ITPR2: variants seen among roughly 807,000 people sequenced by gnomAD.
ITPR2 encodes the protein inositol 1,4,5-trisphosphate receptor type 2.
In ITPR2, 207 loss-of-function variants were observed where a neutral mutation model predicts 317.1. The ratio of observed to expected loss-of-function variants is 0.65; its 90% CI spans 0.58 to 0.73. ITPR2 has a LOEUF of 0.73. ITPR2 is among the 30% of genes least tolerant of loss of function. The pLI is 0.00. For synonymous variants in ITPR2, 1,156 were observed against 1,149.1 expected (o/e 1.01, Z -0.12); for missense variants, 2,613 against 3,284.0 (o/e 0.80, Z 4.99).
intron 2 of ITPR2, among the ~76,000 whole-genome samples, chr12:26,745,201 C>T (rs1024918064): frequency 6.6e-6 from 1 of 152,156 alleles, no homozygotes; most frequent in African/African-American, 2.4e-5. Context: ...ATAAAGAAGC[C>T]CTGGTGCTTC....
At chr12:26,796,619 A>C (rs1177745616) in intron 1 of ITPR2, among the ~76,000 whole-genome samples, 3 of 152,240 alleles carry the variant, frequency 2.0e-5, no homozygotes, top group African/African-American at 7.2e-5. Flanking sequence ...GCTCTACAGA[A>C]ATCTTACAAA....
chr12:26,798,449 T>A (rs1272258989), intron 1 of ITPR2, among the ~76,000 whole-genome samples: 4 of 152,218 alleles, frequency 2.6e-5, no homozygotes, highest in Non-Finnish European at 4.4e-5. Flanking sequence ...TTTAAGTGTT[T>A]AGCATCTATT....
At chr12:26,394,034 GT>G (rs1939922760) in intron 54 of ITPR2, among the ~76,000 whole-genome samples, 1 of 152,280 alleles carries the variant, frequency 6.6e-6, no homozygotes, top group Admixed American at 6.5e-5. Context: ...CATGGATCTG[GT>G]TCTCTTAAAG....
chr12:26,722,551 A>T lies in ITPR2; in HGVS notation c.371T>A (p.Leu124Gln). ...IVKYSNVIQL[L>Q]HIKSNKYLTV... ...AAGATATTTGTTGCTTTTTATATGC[A>T]GTAGCTATAGGGAAAAGACATAGAT... Residue 124 changes from leucine (L) to glutamine (Q), a missense_variant, in exon 5 of 57, where the codon CTG becomes CAG. Coordinates refer to ENST00000381340, the MANE Select transcript of ITPR2 (RefSeq NM_002223.4). 6.2e-7 allele frequency: 1 copy of T among 1,609,242 alleles called. No individual in the cohort carries two copies. The highest frequency in any genetic ancestry group is 8.5e-7 in the Non-Finnish European group (1 of 1,176,510).
At chr12:26,534,116 T>C (rs1591867761) in intron 37 of ITPR2, among the ~76,000 whole-genome samples, 1 of 152,336 alleles carries the variant, frequency 6.6e-6, no homozygotes, top group Non-Finnish European at 1.5e-5. Context: ...ATCACGTCAG[T>C]GGCCTTCCAG....
At chr12:26,347,465 T>C (rs1188840936) in intron 55 of ITPR2, among the ~76,000 whole-genome samples, 1 of 152,132 alleles carries the variant, frequency 6.6e-6, no homozygotes, top group Admixed American at 6.6e-5. Context: ...TTCCATAAGG[T>C]AGGGACTATT....
At chr12:26,527,090 C>T (rs1943826966) in intron 37 of ITPR2, among the ~76,000 whole-genome samples, 1 of 152,164 alleles carries the variant, frequency 6.6e-6, no homozygotes, top group South Asian at 2.1e-4. Context: ...TGAACAATTC[C>T]TAGGAAATGG....
chr12:26,741,175 G>A (rs1482351681), intron 2 of ITPR2, among the ~76,000 whole-genome samples: 2 of 152,256 alleles, frequency 1.3e-5, no homozygotes, highest in South Asian at 2.1e-4. Flanking sequence ...GGAGAGCTTG[G>A]GGTGAGCACA....
intron 45 of ITPR2, among the ~76,000 whole-genome samples, chr12:26,450,504 T>G (rs970805889): frequency 2.0e-5 from 3 of 152,108 alleles, no homozygotes; most frequent in Non-Finnish European, 4.4e-5. Flanking sequence ...GATGCCAGAA[T>G]TACTACCCTG....
intron 38 of ITPR2, 112 bp from the exon 39 acceptor site, chr12:26,494,452 T>C (rs1352268438): frequency 2.8e-6 from 2 of 720,754 alleles, no homozygotes; most frequent in Non-Finnish European, 4.1e-6. Flanking sequence ...TCATTGAGAT[T>C]TTTTCCCTAC....
chr12:26,776,695 C>T (rs756888978), intron 2 of ITPR2, among the ~76,000 whole-genome samples: 1 of 152,210 alleles, frequency 6.6e-6, no homozygotes, highest in Non-Finnish European at 1.5e-5. Flanking sequence ...GGCAACATCC[C>T]TTCCCCAACT....
intron 1 of ITPR2, among the ~76,000 whole-genome samples, chr12:26,829,620 C>T (rs1951068084): frequency 6.6e-6 from 1 of 152,164 alleles, no homozygotes; most frequent in Admixed American, 6.5e-5. Flanking sequence ...TCACCCAGGA[C>T]CCATTTAAGT....
chr12:26,460,866 C>T (rs1942001865), intron 45 of ITPR2, among the ~76,000 whole-genome samples: 1 of 152,094 alleles, frequency 6.6e-6, no homozygotes, highest in Non-Finnish European at 1.5e-5. Context: ...CTTTGTTTGC[C>T]CTCCGACCTG....
At chr12:26,774,782 C>T (rs1949928954) in intron 2 of ITPR2, among the ~76,000 whole-genome samples, 1 of 152,196 alleles carries the variant, frequency 6.6e-6, no homozygotes, top group South Asian at 2.1e-4. Context: ...CTGGATCTCT[C>T]TTTTTCTCTG....
rs766082205 is a variant in ITPR2 at position 26,475,338 on chromosome 12, A to G, written c.6300T>C (p.Ser2100=). Residue 2100 remains serine (S), a synonymous_variant, in exon 45 of 57, where the codon TCT becomes TCC. Coordinates refer to ENST00000381340, the MANE Select transcript of ITPR2 (RefSeq NM_002223.4). The part of the protein sequence containing the change: ...GDDEGGDDGV[S]PKDVGHNIYI... The stretch of plus-strand genomic sequence containing the variant: ...AGATATTGTGTCCAACATCTTTTGG[A>G]GAAACACCATCATCTCCACCCTCAT... 9.9e-6 allele frequency: 16 copies of G among 1,613,904 alleles called. No individual in the cohort carries two copies. The highest frequency in any genetic ancestry group is 1.3e-5 in the African/African-American group (1 of 74,900).
chr12:26,505,958 G>A (rs1347591603), intron 37 of ITPR2, among the ~76,000 whole-genome samples: 1 of 151,430 alleles, frequency 6.6e-6, no homozygotes, highest in Non-Finnish European at 1.5e-5. Flanking sequence ...GTACAAGGCT[G>A]GGTGCCTTGT....
intron 1 of ITPR2, among the ~76,000 whole-genome samples, chr12:26,794,601 T>G (rs1241103479): frequency 6.6e-6 from 1 of 152,226 alleles, no homozygotes; most frequent in East Asian, 1.9e-4. Flanking sequence ...AGAGCAATTT[T>G]AAGTATCTTC....
rs34607660 is a variant in ITPR2, at chr12:26,648,510, C to CTTTT, written c.2740+5462_2740+5465dup. Among the ~76,000 whole-genome samples the CTTTT allele has an allele frequency of 2.3e-5, 3 of 131,344 alleles. No homozygotes were observed. In the South Asian group the frequency reaches 7.5e-4, roughly 33 times the overall value. 86.2% of individuals were successfully genotyped at this position (131,344 alleles called of 152,430 possible). On this transcript the variant is annotated intron_variant, in intron 21 of 56. Coordinates refer to ENST00000381340, the MANE Select transcript of ITPR2 (RefSeq NM_002223.4). ...GCAACAATGTTTATAAAACCACTTT[C>CTTTT]TTTTTTTTTTTTTTTTAATTGTACT...
At chr12:26,767,435 T>G (rs955923577) in intron 2 of ITPR2, among the ~76,000 whole-genome samples, 1 of 152,194 alleles carries the variant, frequency 6.6e-6, no homozygotes, top group African/African-American at 2.4e-5. Context: ...AGAAAAAGCA[T>G]GTATGTATGT....
Sources: gnomAD v4.1 joint callset for allele counts (sites outside exome capture counted in the v4.1 genomes callset) on GRCh38, gnomAD v4.1.1 for gene constraint, MANE v1.5 for transcripts, NCBI Gene and HGNC (gene_info 2026-07-23, HGNC 2026-07-21) for gene names.